TMEM9B: variants seen among roughly 807,000 people sequenced by gnomAD.
The protein encoded by TMEM9B is transmembrane protein 9B.
A neutral mutation model predicts 23.5 loss-of-function variants in TMEM9B; 8 were observed. The ratio of observed to expected loss-of-function variants is 0.34; its 90% CI spans 0.20 to 0.61. The LOEUF (loss-of-function observed/expected upper bound fraction) is 0.61. TMEM9B is among the 20% of genes least tolerant of loss of function. The pLI is 0.78. For missense variants in TMEM9B, 197 were observed against 252.3 expected (o/e 0.78, Z 1.49); for synonymous variants, 106 against 96.3 (o/e 1.10, Z -0.59).
At chr11:8,951,522 C>CG (rs1853873585) in intron 4 of TMEM9B, among the ~76,000 whole-genome samples, 1 of 151,278 alleles carries the variant, frequency 6.6e-6, no homozygotes, top group African/African-American at 2.4e-5. Flanking sequence ...GAGGCCGAGG[C>CG]AGGGGGATCA....
At chr11:8,948,564 G>A (rs1489903359) in intron 4 of TMEM9B, 89 bp from the exon 5 acceptor site, 2 of 1,457,724 alleles carry the variant, frequency 1.4e-6, no homozygotes, top group Non-Finnish European at 1.9e-6. Flanking sequence ...CACAGAAATA[G>A]GGGTAGGTGG....
chr11:8,960,843 G>A (rs866624682), intron 2 of TMEM9B, among the ~76,000 whole-genome samples: 11 of 152,086 alleles, frequency 7.2e-5, no homozygotes, highest in African/African-American at 2.4e-4. Flanking sequence ...CACCAAGCCC[G>A]GCTAATTTTT....
chr11:8,952,036 G>A (rs1589944288), intron 4 of TMEM9B, among the ~76,000 whole-genome samples: 1 of 152,074 alleles, frequency 6.6e-6, no homozygotes, highest in African/African-American at 2.4e-5. Flanking sequence ...TTGAACTTGG[G>A]AGGCTGAGGT....
At chr11:8,959,967 G>A (rs1191055844) in intron 2 of TMEM9B, among the ~76,000 whole-genome samples, 1 of 152,094 alleles carries the variant, frequency 6.6e-6, no homozygotes, top group Non-Finnish European at 1.5e-5. Flanking sequence ...CATAATTCTG[G>A]TGAATCATAA....
intron 3 of TMEM9B, 90 bp from the exon 4 acceptor site, chr11:8,953,427 GCTAAGC>G: frequency 7.6e-7 from 1 of 1,309,006 alleles, no homozygotes; most frequent in Non-Finnish European, 1.1e-6. Context: ...TGACATATCT[GCTAAGC>G]CTATAGGATT....
chr11:8,948,148 T>C lies in TMEM9B; in HGVS notation c.*172A>G. On this transcript the variant is annotated 3_prime_UTR_variant, in exon 5 of 5. Transcript: ENST00000534025. ...CTGTGTGCTTTTAAAAATGTCTCTATTATTACGTTAACAAGAAAAAAAAAT... is the reference window on the plus strand; with the variant it reads ...CTGTGTGCTTTTAAAAATGTCTCTACTATTACGTTAACAAGAAAAAAAAAT... The C allele has an allele frequency of 1.4e-6, 1 of 713,548 alleles. No individual in the cohort carries two copies. The highest frequency in any genetic ancestry group is 2.8e-5 in the East Asian group (1 of 35,418). The allele number at this position is 713,548 out of a possible 1,614,324, so 44.2% of individuals were successfully genotyped here.
Position 8,964,210 on chromosome 11 carries a change from T to C in TMEM9B, c.104A>G (p.Lys35Arg), listed in dbSNP as rs760582626. The part of the protein sequence containing the change: ...LLLAQLSDAA[K>R]NFEDVRCKCI... The stretch of plus-strand genomic sequence containing the variant: ...GGAGCGAGGCTGGGCGGGACTCACC[T>C]TGGCGGCGTCTGACAGCTGCGCCAG... Residue 35 changes from lysine (K) to arginine (R), a missense_variant and splice_region_variant, in exon 1 of 5, where the codon AAG becomes AGG. Transcript: ENST00000534025. 3 of 1,574,754 alleles carry C rather than the reference T, an allele frequency of 1.9e-6. No homozygotes were observed. The Admixed American group carries it at 5.5e-5, about 29-fold the overall frequency.
At chr11:8,963,718 T>C (rs1854121889) in intron 1 of TMEM9B, among the ~76,000 whole-genome samples, 1 of 152,014 alleles carries the variant, frequency 6.6e-6, no homozygotes, top group Non-Finnish European at 1.5e-5. Context: ...GGAAGGGAAG[T>C]GTTCAGGGGT....
intron 2 of TMEM9B, among the ~76,000 whole-genome samples, chr11:8,961,654 G>C (rs1014435618): frequency 4.6e-5 from 7 of 152,186 alleles, no homozygotes; most frequent in Admixed American, 2.0e-4. Context: ...TTCTTCTTGA[G>C]CCTTCTGACA....
At chr11:8,954,356 C>G (rs142607733) in intron 3 of TMEM9B, among the ~76,000 whole-genome samples, 1 of 151,552 alleles carries the variant, frequency 6.6e-6, no homozygotes, top group African/African-American at 2.4e-5. Context: ...GTGGCACGAT[C>G]TCAGCTCACT....
chr11:8,963,855 G>A (rs1431763870), intron 1 of TMEM9B: 8 of 260,572 alleles, frequency 3.1e-5, no homozygotes, highest in East Asian at 1.0e-4. Context: ...AAGAGCTTAG[G>A]GTGGAAAGTT....
intron 1 of TMEM9B, among the ~76,000 whole-genome samples, chr11:8,963,140 A>G (rs1176985377): frequency 1.3e-5 from 2 of 152,242 alleles, no homozygotes; most frequent in African/African-American, 4.8e-5. Context: ...ACATGATCAC[A>G]ATACATAAAG....
chr11:8,956,314 T>A lies in TMEM9B; in HGVS notation c.198-16A>T, dbSNP rs1269590706. On this transcript the variant is annotated splice_polypyrimidine_tract_variant and intron_variant, in intron 2 of 4. Coordinates refer to ENST00000534025, the MANE Select transcript of TMEM9B (RefSeq NM_020644.3). The stretch of plus-strand genomic sequence containing the variant: ...AAGGCAATCACTGAAAAAACAAAGA[T>A]AAAATGCTGCTTAAGCCCAGCTAGC... 1.2e-6 allele frequency: 2 copies of A among 1,609,072 alleles called. No homozygotes were observed. The highest frequency in any genetic ancestry group is 1.3e-5 in the African/African-American group (1 of 74,802).
Position 8,953,337 on chromosome 11 carries a change from C to G in TMEM9B, c.307G>C (p.Val103Leu). The G allele has an allele frequency of 1.2e-6, 2 of 1,611,956 alleles. No individual in the cohort carries two copies. The highest frequency in any genetic ancestry group is 2.2e-5 in the East Asian group (1 of 44,836). Reference protein sequence around the residue: ...YEERSSVTIKVTIIIYLSILG... With the variant: ...YEERSSVTIKLTIIIYLSILG... Reference sequence around the variant, plus strand: ...ATGGAGAGATAAATTATAATGGTAACCTAAAGGAAATTGAAAATTAAGTTA... The same window carrying G: ...ATGGAGAGATAAATTATAATGGTAAGCTAAAGGAAATTGAAAATTAAGTTA... Residue 103 changes from valine (V) to leucine (L), a missense_variant and splice_region_variant, in exon 4 of 5, where the codon GTT (valine) becomes CTT (leucine). Around this residue, in one of 2 missense-constraint regions of TMEM9B, gnomAD observed 141 missense variants for 214.1 expected, o/e 0.66. Coordinates refer to ENST00000534025, the MANE Select transcript of TMEM9B (RefSeq NM_020644.3).
In TMEM9B at chr11:8,957,553, C is replaced by G. The variant is rs1007632111; in HGVS notation, c.198-1255G>C. Among the ~76,000 whole-genome samples, 7 of 152,238 alleles carry G rather than the reference C, an allele frequency of 4.6e-5. No homozygotes were observed. The highest frequency in any genetic ancestry group is 1.7e-4 in the African/African-American group (7 of 41,472). On this transcript the variant is annotated intron_variant, in intron 2 of 4. Coordinates refer to ENST00000534025, the MANE Select transcript of TMEM9B (RefSeq NM_020644.3). The surrounding 1 kb of genome is among the most constrained non-coding windows in gnomAD (Gnocchi z 4.3). ...ACCATCCTATCTTATCTTACCCATT[C>G]TCTTGGGGACACCCAATACTCTATA...
At chr11:8,964,186 G>T (rs764578538) in intron 1 of TMEM9B, 23 bp downstream of exon 1, 44 of 1,555,792 alleles carry the variant, frequency 2.8e-5, no homozygotes, top group Non-Finnish European at 3.6e-5. Context: ...CTTCCGTCAG[G>T]AGCGAGGCTG....
chr11:8,959,338 T>C (rs1268657630), intron 2 of TMEM9B, among the ~76,000 whole-genome samples: 1 of 152,176 alleles, frequency 6.6e-6, no homozygotes, highest in Non-Finnish European at 1.5e-5. Flanking sequence ...CACAGGAGGC[T>C]GAGGCTGGAG....
At chr11:8,959,419 A>C (rs1430081060) in intron 2 of TMEM9B, among the ~76,000 whole-genome samples, 1 of 152,204 alleles carries the variant, frequency 6.6e-6, no homozygotes, top group Non-Finnish European at 1.5e-5. Flanking sequence ...GCAATAAAAA[A>C]AACAGAAAGG....
intron 4 of TMEM9B, among the ~76,000 whole-genome samples, chr11:8,949,179 A>T (rs1321247752): frequency 6.6e-6 from 1 of 152,240 alleles, no homozygotes; most frequent in Non-Finnish European, 1.5e-5. Context: ...TCCATTGTTA[A>T]GCACCCAGTG....
Sources: allele counts gnomAD v4.1 joint callset (sites outside exome capture counted in the v4.1 genomes callset), GRCh38; gene constraint gnomAD v4.1.1; regional missense constraint gnomAD v4.1.1; non-coding constraint Gnocchi (gnomAD v3.1); transcripts MANE v1.5; gene names NCBI Gene and HGNC (gene_info 2026-07-23, HGNC 2026-07-21).